SH2B3: variants seen among roughly 807,000 people sequenced by gnomAD.
SH2B3 encodes SH2B adaptor protein 3.
Under a neutral mutation model 51.9 loss-of-function variants are expected in SH2B3, and 43 were observed. The observed-to-expected ratio is 0.83, with a 90% CI of 0.65 to 1.07. The LOEUF (loss-of-function observed/expected upper bound fraction) is 1.07. SH2B3 is among the 50% of genes least tolerant of loss of function. The probability of loss-of-function intolerance (pLI) is 0.00; values close to 1 mark genes in which losing one functional copy is unlikely to be tolerated. For missense variants in SH2B3, 952 were observed against 834.3 expected, an observed-to-expected ratio of 1.14 and a Z score of -1.74; for synonymous variants, 396 against 376.0, an observed-to-expected ratio of 1.05 and a Z score of -0.62.
chr12:111,428,545 G>A (rs1301906278), intron 2 of SH2B3, among the ~76,000 whole-genome samples: 3 of 152,294 alleles, frequency 2.0e-5, no homozygotes, highest in East Asian at 3.9e-4. Flanking sequence ...GGGCAGCCTC[G>A]GGCCCACCCT....
At position 111,446,832 on chromosome 12, in the gene SH2B3, A is replaced by T; in HGVS notation, c.812A>T (p.Asn271Ile). 1 of 1,591,612 alleles carries T rather than the reference A, an allele frequency of 6.3e-7. No individual in the cohort carries two copies. Residue 271 changes from asparagine to isoleucine, a missense_variant, in exon 3 of 8, where the codon AAC becomes ATC. Asn to Ile is a moderately radical substitution (Grantham distance 149, BLOSUM62 -3). Transcript: ENST00000341259. Reference sequence around the variant, plus strand: ...TGCACACGGCTTGAGATGCCTGACAACCTTTACACCTTTGTGCTGAAGGTG... The same window carrying T: ...TGCACACGGCTTGAGATGCCTGACATCCTTTACACCTTTGTGCTGAAGGTG... ...RWCTRLEMPDNLYTFVLKVKD... is the reference protein window; with the variant it reads ...RWCTRLEMPDILYTFVLKVKD...
intron 2 of SH2B3, 43 bp from the exon 3 acceptor site, chr12:111,446,710 A>T: frequency 9.0e-7 from 1 of 1,109,094 alleles, no homozygotes; most frequent in Non-Finnish European, 1.3e-6. Context: ...TGGAAGAAAG[A>T]GCATCAGGAA....
Position 111,418,509 on chromosome 12 carries a change from G to A in SH2B3, c.364G>A (p.Glu122Lys), listed in dbSNP as rs747913408. Residue 122 changes from glutamate to lysine, a missense_variant, in exon 2 of 8, where the codon GAG becomes AAG. Physicochemically the swap from Glu to Lys is moderately conservative, Grantham distance 56. Transcript: ENST00000341259. This position sits in a 1 kb window ranked among gnomAD's most constrained non-coding sequence, Gnocchi z 6.7. ...APGLPKARSS[E>K]ELAPPRPPGP... ...TGGCCTGCCCAAGGCCCGCAGCTCTGAGGAGCTGGCCCCGCCGCGGCCGCC... is the reference window on the plus strand; with the variant it reads ...TGGCCTGCCCAAGGCCCGCAGCTCTAAGGAGCTGGCCCCGCCGCGGCCGCC... 1 of 1,384,296 alleles carries A rather than the reference G, an allele frequency of 7.2e-7. No homozygotes were observed. Among genetic ancestry groups the A allele is most frequent in the Admixed American group, 3.2e-5 (1 of 30,796 alleles). 85.8% of individuals were successfully genotyped at this position (1,384,296 alleles called of 1,614,324 possible).
In SH2B3 at chr12:111,435,636, C is replaced by T. The variant is rs979462801; in HGVS notation, c.733-11117C>T. On this transcript the variant is annotated intron_variant, in intron 2 of 7. Transcript: ENST00000341259. This position sits in a 1 kb window ranked among gnomAD's most constrained non-coding sequence, Gnocchi z 4.8. ...GACCTCCCAAAGTGCTCGTTACAGG[C>T]GTGAACAACCCCCACCCACTGCAGG... is the stretch of plus-strand genomic sequence containing the variant. 5.3e-5 allele frequency among the ~76,000 whole-genome samples: 8 copies of T among 152,214 alleles called. No homozygotes were observed. Among genetic ancestry groups the T allele is most frequent in the African/African-American group, 1.7e-4 (7 of 41,460 alleles).
intron 2 of SH2B3, among the ~76,000 whole-genome samples, chr12:111,427,523 G>C (rs1027538287): frequency 6.6e-6 from 1 of 152,210 alleles, no homozygotes; most frequent in Non-Finnish European, 1.5e-5. Flanking sequence ...ACAGCAGTGG[G>C]GGCCCTGGGG....
rs748178839 is a variant in SH2B3 at position 111,447,961 on chromosome 12, C to T, written c.1409-22C>T. On this transcript the variant is annotated intron_variant, in intron 7 of 7. Coordinates refer to ENST00000341259, the MANE Select transcript of SH2B3 (RefSeq NM_005475.3). ...CTTGCCTCAAGACTGATGGTGTGGT[C>T]TCTCTTGGTCACTTGTCCTAGGTTC... 4.4e-6 allele frequency: 7 copies of T among 1,578,392 alleles called. No individual in the cohort carries two copies. In the East Asian group the frequency reaches 1.1e-4, roughly 25 times the overall value.
chr12:111,439,033 C>T (rs1440279758), intron 2 of SH2B3, among the ~76,000 whole-genome samples: 2 of 152,090 alleles, frequency 1.3e-5, no homozygotes, highest in Non-Finnish European at 1.5e-5. Flanking sequence ...AGTGCAGTGG[C>T]GCAATCTTGG....
chr12:111,442,672 C>A (rs1405051996), intron 2 of SH2B3, among the ~76,000 whole-genome samples: 1 of 152,204 alleles, frequency 6.6e-6, no homozygotes, highest in African/African-American at 2.4e-5. Flanking sequence ...AGGCCTGCTC[C>A]TGTTAAGAGC....
chr12:111,436,085 C>T (rs979763061), intron 2 of SH2B3, among the ~76,000 whole-genome samples: 1 of 152,138 alleles, frequency 6.6e-6, no homozygotes, highest in Non-Finnish European at 1.5e-5. Context: ...ATGCCCTGTG[C>T]CATGTGCTGG....
At chr12:111,405,896 C>T (rs1003843219), upstream of SH2B3, 6 of 152,004 alleles carry the variant, frequency 3.9e-5, no homozygotes, top group African/African-American at 1.4e-4. The surrounding 1 kb of genome is among the most constrained non-coding windows in gnomAD (Gnocchi z 5.4). Context: ...CCCCGCCGGG[C>T]TCCGCTCGCA....
At chr12:111,434,235 A>G (rs1389670310) in intron 2 of SH2B3, among the ~76,000 whole-genome samples, 1 of 152,190 alleles carries the variant, frequency 6.6e-6, no homozygotes, top group Non-Finnish European at 1.5e-5. Context: ...TATTTAAACA[A>G]TTGTGCAATG....
At chr12:111,437,907 C>T (rs536398650) in intron 2 of SH2B3, among the ~76,000 whole-genome samples, 33 of 152,344 alleles carry the variant, frequency 2.2e-4, no homozygotes, top group African/African-American at 7.5e-4. Flanking sequence ...TGGGCCTGCC[C>T]CAGGGCTGGG....
intron 2 of SH2B3, among the ~76,000 whole-genome samples, chr12:111,428,762 T>C (rs959947808): frequency 1.3e-5 from 2 of 152,116 alleles, no homozygotes; most frequent in Non-Finnish European, 2.9e-5. Flanking sequence ...CTGGGTGGGC[T>C]GTGACCCTGC....
chr12:111,435,468 C>G lies in SH2B3; in HGVS notation c.733-11285C>G, dbSNP rs933800333. On this transcript the variant is annotated intron_variant, in intron 2 of 7. Coordinates refer to ENST00000341259, the MANE Select transcript of SH2B3 (RefSeq NM_005475.3). This position sits in a 1 kb window ranked among gnomAD's most constrained non-coding sequence, Gnocchi z 4.8. The stretch of plus-strand genomic sequence containing the variant: ...CTCCGCCTCCCAGGTTCAGGTGATT[C>G]TCGTGCCTCAGCCTCCTGAGTAGCT... 6.6e-6 allele frequency among the ~76,000 whole-genome samples: 1 copy of G among 152,258 alleles called. No individual in the cohort carries two copies. The highest frequency in any genetic ancestry group is 1.5e-5 in the Non-Finnish European group (1 of 68,044).
At chr12:111,422,860 T>C (rs576293045) in intron 2 of SH2B3, among the ~76,000 whole-genome samples, 1 of 152,082 alleles carries the variant, frequency 6.6e-6, no homozygotes, top group Non-Finnish European at 1.5e-5. Context: ...TCACCTGGCC[T>C]CAATTTTTGT....
Position 111,418,213 on chromosome 12 carries a change from C to A in SH2B3, c.68C>A (p.Pro23Gln). The change falls in exon 2 of 8, where the codon CCG becomes CAG. Residue 23 changes from proline to glutamine, a missense_variant. Transcript: ENST00000341259. This position sits in a 1 kb window ranked among gnomAD's most constrained non-coding sequence, Gnocchi z 6.7. ...SAPSASPAAA[P>Q]RGWSEFCELH... ...CCCTCAGCCTCCCCGGCGGCGGCCCCGCGGGGCTGGAGCGAGTTCTGTGAG... is the reference window on the plus strand; with the variant it reads ...CCCTCAGCCTCCCCGGCGGCGGCCCAGCGGGGCTGGAGCGAGTTCTGTGAG... 1 of 1,580,506 alleles carries A rather than the reference C, an allele frequency of 6.3e-7. No homozygotes were observed. The highest frequency in any genetic ancestry group is 8.5e-7 in the Non-Finnish European group (1 of 1,173,012).
intron 4 of SH2B3, 36 bp from the exon 5 acceptor site, chr12:111,447,089 T>C (rs200998706): frequency 1.0e-4 from 163 of 1,609,460 alleles, no homozygotes; most frequent in Non-Finnish European, 1.3e-4. Context: ...ACCCCTGACC[T>C]GCCCAGATCC....
chr12:111,426,821 A>G (rs985254400), intron 2 of SH2B3, among the ~76,000 whole-genome samples: 1 of 152,122 alleles, frequency 6.6e-6, no homozygotes, highest in African/African-American at 2.4e-5. Context: ...CACTGGGAGA[A>G]GCAAAGAGAC....
At chr12:111,419,480 T>C (rs1399014163) in intron 2 of SH2B3, among the ~76,000 whole-genome samples, 1 of 151,958 alleles carries the variant, frequency 6.6e-6, no homozygotes, top group African/African-American at 2.4e-5. Flanking sequence ...CTACTAAAAA[T>C]ATAAAAAATT....
Sources: allele counts gnomAD v4.1 joint callset (sites outside exome capture counted in the v4.1 genomes callset), GRCh38; gene constraint gnomAD v4.1.1; non-coding constraint Gnocchi (gnomAD v3.1); transcripts MANE v1.5; gene names NCBI Gene and HGNC (gene_info 2026-07-23, HGNC 2026-07-21).